The following CSNK2A2IP variants were observed in gnomAD, a reference collection of about 807,000 sequenced individuals.
CSNK2A2IP encodes the protein casein kinase 2 subunit alpha' interacting protein, also known as casein kinase II subunit alpha'-interacting protein.
chr3:88,431,432 C>T, the CSNK2A2IP span: 1 of 152,138 alleles, frequency 6.6e-6, no homozygotes, highest in African/African-American at 2.4e-5. Flanking sequence ...AAGAATGACA[C>T]AATGGACTTT....
At chr3:88,379,980 G>C in the CSNK2A2IP span, among the ~76,000 whole-genome samples, 1 of 151,908 alleles carries the variant, frequency 6.6e-6, no homozygotes, top group African/African-American at 2.4e-5. Context: ...TATATTAAAC[G>C]TTATATTATA....
chr3:88,382,170 C>T, the CSNK2A2IP span, among the ~76,000 whole-genome samples: 70 of 152,124 alleles, frequency 4.6e-4, no homozygotes, highest in Admixed American at 1.7e-3. Context: ...ATATTTCTTC[C>T]GAATATGATT....
the CSNK2A2IP span, among the ~76,000 whole-genome samples, chr3:88,406,363 T>A: frequency 6.6e-6 from 1 of 152,236 alleles, no homozygotes; most frequent in Non-Finnish European, 1.5e-5. Flanking sequence ...AATTCAGTTA[T>A]ATTTTTAGGC....
At chr3:88,341,582 T>C in the CSNK2A2IP span, among the ~76,000 whole-genome samples, 2 of 150,738 alleles carry the variant, frequency 1.3e-5, no homozygotes, top group Admixed American at 1.3e-4. Context: ...TCATGGATAC[T>C]CAATAAATGC....
chr3:88,385,201 A>G, the CSNK2A2IP span, among the ~76,000 whole-genome samples: 3 of 152,288 alleles, frequency 2.0e-5, no homozygotes, highest in South Asian at 6.2e-4. Context: ...CGCAGGCCGA[A>G]TAGTTAGCAA....
At chr3:88,424,614 G>A in the CSNK2A2IP span, among the ~76,000 whole-genome samples, 1 of 152,112 alleles carries the variant, frequency 6.6e-6, no homozygotes, top group Non-Finnish European at 1.5e-5. Context: ...TACATGGAAA[G>A]ATTTCTATGT....
chr3:88,345,540 T>C, the CSNK2A2IP span, among the ~76,000 whole-genome samples: 1 of 152,002 alleles, frequency 6.6e-6, no homozygotes, highest in Non-Finnish European at 1.5e-5. Context: ...GACACTTTGG[T>C]AATTCTCACA....
At chr3:88,369,959 G>A in the CSNK2A2IP span, among the ~76,000 whole-genome samples, 1 of 151,804 alleles carries the variant, frequency 6.6e-6, no homozygotes, top group Non-Finnish European at 1.5e-5. Context: ...ACAAGGCGGA[G>A]GCCACCAGGG....
At chr3:88,361,437 C>T in the CSNK2A2IP span, among the ~76,000 whole-genome samples, 1 of 151,980 alleles carries the variant, frequency 6.6e-6, no homozygotes, top group African/African-American at 2.4e-5. Context: ...TATGTCATTC[C>T]ACTTACTTCT....
the CSNK2A2IP span, among the ~76,000 whole-genome samples, chr3:88,456,641 T>A: frequency 5.0e-5 from 7 of 138,822 alleles, no homozygotes; most frequent in South Asian, 1.8e-3. Flanking sequence ...CAGAGACAAT[T>A]TTACTTCTTC....
At chr3:88,449,872 T>TAGAGAGAGAGAGAGAGAG in the CSNK2A2IP span, among the ~76,000 whole-genome samples, 2 of 78,974 alleles carry the variant, frequency 2.5e-5, no homozygotes, top group Admixed American at 1.2e-4. Context: ...TATATATATA[T>TAGAGAGAGAGAGAGAGAG]ATAGAGAGAG....
the CSNK2A2IP span, among the ~76,000 whole-genome samples, chr3:88,451,657 C>G: frequency 6.8e-6 from 1 of 146,956 alleles, no homozygotes; most frequent in Non-Finnish European, 1.5e-5. Context: ...GTTCTTCTCC[C>G]TCTCCTCCTT....
At chr3:88,463,401 T>C in the CSNK2A2IP span, among the ~76,000 whole-genome samples, 2 of 152,192 alleles carry the variant, frequency 1.3e-5, no homozygotes, top group African/African-American at 2.4e-5. Flanking sequence ...GATGCTTGTA[T>C]CACTTTAGGC....
the CSNK2A2IP span, among the ~76,000 whole-genome samples, chr3:88,381,054 T>C: frequency 2.0e-5 from 3 of 152,284 alleles, no homozygotes; most frequent in East Asian, 3.9e-4. Context: ...CGCCAGGCTC[T>C]TGCTTATGTT....
At chr3:88,431,469 G>A in the CSNK2A2IP span, among the ~76,000 whole-genome samples, 1 of 152,276 alleles carries the variant, frequency 6.6e-6, no homozygotes, top group East Asian at 1.9e-4. Context: ...AGGGTTGGAA[G>A]GGGGTGAAGG....
chr3:88,344,442 G>A, the CSNK2A2IP span, among the ~76,000 whole-genome samples: 2 of 151,884 alleles, frequency 1.3e-5, no homozygotes, highest in Non-Finnish European at 2.9e-5. Context: ...CAAATATTGG[G>A]AGAAAACAAC....
the CSNK2A2IP span, among the ~76,000 whole-genome samples, chr3:88,438,547 G>A: frequency 4.6e-5 from 7 of 152,176 alleles, no homozygotes; most frequent in East Asian, 1.4e-3. Context: ...TAGATCATAA[G>A]ACCCTCATTC....
chr3:88,374,192 A>G, the CSNK2A2IP span, among the ~76,000 whole-genome samples: 3 of 151,712 alleles, frequency 2.0e-5, no homozygotes, highest in Non-Finnish European at 4.4e-5. Context: ...ATGGTGAATT[A>G]AATTAAGGTT....
the CSNK2A2IP span, among the ~76,000 whole-genome samples, chr3:88,394,538 A>G: frequency 2.6e-5 from 4 of 151,972 alleles, no homozygotes; most frequent in Non-Finnish European, 5.9e-5. Flanking sequence ...ACGGCCAGCG[A>G]ATTTTTATAT....
Sources: allele counts gnomAD v4.1 joint callset (sites outside exome capture counted in the v4.1 genomes callset), GRCh38; gene constraint gnomAD v4.1.1; transcripts MANE v1.5; gene names NCBI Gene and HGNC (gene_info 2026-07-23, HGNC 2026-07-21).